SKAP1: variants seen among roughly 807,000 people sequenced by gnomAD.
SKAP1 encodes the protein src kinase associated phosphoprotein 1, also known as src kinase-associated phosphoprotein 1.
In SKAP1, 44 loss-of-function variants were observed where a neutral mutation model predicts 58.5. That is an observed-to-expected ratio of 0.75 (90% CI 0.59 to 0.97). SKAP1 has a LOEUF of 0.97. SKAP1 is among the 50% of genes least tolerant of loss of function. SKAP1 has a pLI of 0.00. For missense variants in SKAP1, 390 were observed against 435.2 expected (o/e 0.90, Z 0.92); for synonymous variants, 127 against 149.7 (o/e 0.85, Z 1.11).
At chr17:48,160,391 C>T (rs1422311602) in intron 11 of SKAP1, among the ~76,000 whole-genome samples, 3 of 152,120 alleles carry the variant, frequency 2.0e-5, no homozygotes, top group African/African-American at 7.2e-5. Flanking sequence ...CCTGCCTCAG[C>T]CTCCTAAAAT....
intron 1 of SKAP1, among the ~76,000 whole-genome samples, chr17:48,397,328 T>C (rs1368638070): frequency 6.6e-6 from 1 of 152,130 alleles, no homozygotes; most frequent in East Asian, 1.9e-4. Context: ...CAAGTTCAAG[T>C]GATTCTCCTG....
At chr17:48,277,851 C>T (rs1567849821) in intron 4 of SKAP1, among the ~76,000 whole-genome samples, 1 of 152,090 alleles carries the variant, frequency 6.6e-6, no homozygotes, top group East Asian at 1.9e-4. Context: ...CACCTCGGCT[C>T]CCAACACACT....
chr17:48,391,207 G>C lies in SKAP1; in HGVS notation c.152+5473C>G, dbSNP rs2067340977. Among the ~76,000 whole-genome samples the C allele has an allele frequency of 2.0e-5, 3 of 151,958 alleles. No homozygotes were observed. The South Asian group carries it at 6.3e-4, about 32-fold the overall frequency. On this transcript the variant is annotated intron_variant, in intron 2 of 12. Coordinates refer to ENST00000336915, the MANE Select transcript of SKAP1 (RefSeq NM_003726.4). Reference sequence around the variant, plus strand: ...TTATTCTGAACCACCAAGGACTATGGTCATTATTACATTAAAAAATGTTAT... The same window carrying C: ...TTATTCTGAACCACCAAGGACTATGCTCATTATTACATTAAAAAATGTTAT...
chr17:48,339,761 T>C (rs778764019), intron 4 of SKAP1, among the ~76,000 whole-genome samples: 18 of 152,318 alleles, frequency 1.2e-4, no homozygotes, highest in Non-Finnish European at 2.1e-4. Flanking sequence ...GTAAACATTG[T>C]AAGAAGCTCA....
At chr17:48,298,184 T>C (rs897061600) in intron 4 of SKAP1, among the ~76,000 whole-genome samples, 2 of 152,262 alleles carry the variant, frequency 1.3e-5, no homozygotes, top group African/African-American at 4.8e-5. Flanking sequence ...CAGTTCTGTA[T>C]GTCATCCTTA....
intron 4 of SKAP1, among the ~76,000 whole-genome samples, chr17:48,211,581 C>T (rs1458474160): frequency 1.3e-5 from 2 of 152,162 alleles, no homozygotes; most frequent in African/African-American, 2.4e-5. Context: ...CTGTAGTAGT[C>T]ACAGTTTCTT....
chr17:48,392,877 AT>A (rs67940436), intron 2 of SKAP1, among the ~76,000 whole-genome samples: 1,328 of 127,410 alleles, frequency 0.01, 9 homozygotes, highest in African/African-American at 0.02. Flanking sequence ...ATATATATAT[AT>A]TTTTTTTTTC....
At chr17:48,137,421 G>C (rs1332282400) in intron 11 of SKAP1, 84 bp from the exon 12 acceptor site, 6 of 899,906 alleles carry the variant, frequency 6.7e-6, no homozygotes, top group African/African-American at 6.6e-5. Flanking sequence ...GGGAGATTCT[G>C]TTTGGTGGTT....
chr17:48,270,704 T>G (rs1232079903), intron 4 of SKAP1, among the ~76,000 whole-genome samples: 1 of 152,090 alleles, frequency 6.6e-6, no homozygotes, highest in African/African-American at 2.4e-5. Flanking sequence ...TAATGCTGTT[T>G]TGTAGCATGC....
At chr17:48,196,063 A>T (rs1407104182) in intron 4 of SKAP1, among the ~76,000 whole-genome samples, 4 of 152,234 alleles carry the variant, frequency 2.6e-5, no homozygotes, top group Non-Finnish European at 5.9e-5. Context: ...TTTACATCTA[A>T]GTCCCACAAT....
At chr17:48,233,430 G>T (rs1373437353) in intron 4 of SKAP1, among the ~76,000 whole-genome samples, 2 of 151,960 alleles carry the variant, frequency 1.3e-5, no homozygotes, top group South Asian at 4.1e-4. Flanking sequence ...TTTGGCAAAG[G>T]TTTGGTGATG....
chr17:48,318,177 C>T (rs1377982847), intron 4 of SKAP1, among the ~76,000 whole-genome samples: 1 of 152,166 alleles, frequency 6.6e-6, no homozygotes, highest in Non-Finnish European at 1.5e-5. Flanking sequence ...CATGTTGAAA[C>T]AGACCACTGG....
chr17:48,426,785 A>G (rs145085296), intron 1 of SKAP1, among the ~76,000 whole-genome samples: 34 of 151,694 alleles, frequency 2.2e-4, no homozygotes, highest in African/African-American at 7.0e-4. Flanking sequence ...TAAAGAAGCT[A>G]TTTCCTGAGT....
At chr17:48,283,170 C>T (rs1402350839) in intron 4 of SKAP1, among the ~76,000 whole-genome samples, 1 of 152,112 alleles carries the variant, frequency 6.6e-6, no homozygotes, top group Admixed American at 6.6e-5. Flanking sequence ...TGAGTCAAGA[C>T]AAACAAGCTT....
intron 4 of SKAP1, among the ~76,000 whole-genome samples, chr17:48,233,796 C>A (rs1018308863): frequency 6.6e-6 from 1 of 151,926 alleles, no homozygotes; most frequent in African/African-American, 2.4e-5. Context: ...GCAGAGGTTG[C>A]AATGGGCTGA....
chr17:48,421,013 C>T (rs2067786843), intron 1 of SKAP1, among the ~76,000 whole-genome samples: 1 of 152,172 alleles, frequency 6.6e-6, no homozygotes, highest in Non-Finnish European at 1.5e-5. Context: ...GCATGCATAG[C>T]AGCAGGGAAG....
chr17:48,360,393 C>A (rs181095415), intron 3 of SKAP1, among the ~76,000 whole-genome samples: 44 of 152,162 alleles, frequency 2.9e-4, no homozygotes, highest in Non-Finnish European at 2.6e-4. Context: ...TCAGTTTGCT[C>A]AATAACTTTA....
chr17:48,199,582 C>G (rs143973952), intron 4 of SKAP1, among the ~76,000 whole-genome samples: 273 of 152,316 alleles, frequency 1.8e-3, no homozygotes, highest in African/African-American at 6.3e-3. Flanking sequence ...GCTTCTATAG[C>G]ATTTTCTAGA....
At chr17:48,424,066 T>C (rs1332069401) in intron 1 of SKAP1, among the ~76,000 whole-genome samples, 1 of 152,176 alleles carries the variant, frequency 6.6e-6, no homozygotes, top group Non-Finnish European at 1.5e-5. Context: ...AGGTAGCTTA[T>C]AAACAACATA....
Sources: gnomAD v4.1 joint callset for allele counts (sites outside exome capture counted in the v4.1 genomes callset) on GRCh38, gnomAD v4.1.1 for gene constraint, MANE v1.5 for transcripts, NCBI Gene and HGNC (gene_info 2026-07-23, HGNC 2026-07-21) for gene names.